MTA3: variants seen among roughly 807,000 people sequenced by gnomAD.
The protein encoded by MTA3 is metastasis-associated protein MTA3.
In MTA3, 34 loss-of-function variants were observed where a neutral mutation model predicts 83.5. That is an observed-to-expected ratio of 0.41 (90% CI 0.31 to 0.54). The LOEUF is 0.54. Among genes scored for constraint, MTA3 ranks in the 20% least tolerant of loss-of-function variants. The pLI, the probability that MTA3 is intolerant of heterozygous loss-of-function variation, is 0.33. For synonymous variants in MTA3, 303 were observed against 252.7 expected (o/e 1.20, Z -1.89); for missense variants, 761 against 726.4 (o/e 1.05, Z -0.55).
chr2:42,594,728 A>ATATATTTTTTTTTTTTTTT, intron 3 of MTA3, among the ~76,000 whole-genome samples: 5 of 24,044 alleles, frequency 2.1e-4, no homozygotes, highest in Admixed American at 8.8e-4. Flanking sequence ...ATATATATAT[A>ATATATTTTTTTTTTTTTTT]TTTTTTTTTT....
At chr2:42,673,949 AC>A (rs1295218656) in intron 8 of MTA3, among the ~76,000 whole-genome samples, 2 of 152,240 alleles carry the variant, frequency 1.3e-5, no homozygotes, top group Non-Finnish European at 2.9e-5. Context: ...CATCTATTAC[AC>A]TGCCCAAATT....
At chr2:42,645,284 A>T (rs1688072853) in intron 6 of MTA3, among the ~76,000 whole-genome samples, 1 of 151,128 alleles carries the variant, frequency 6.6e-6, no homozygotes, top group African/African-American at 2.4e-5. Flanking sequence ...CAGCACTTTG[A>T]GGGGCCGCAG....
At chr2:42,532,670 A>G (rs374739464) in intron 2 of MTA3, 23 of 162,244 alleles carry the variant, frequency 1.4e-4, no homozygotes, top group East Asian at 6.8e-4. Context: ...ATTTGGTTTA[A>G]ATATTTCTTT....
intron 4 of MTA3, among the ~76,000 whole-genome samples, chr2:42,612,520 T>G (rs1684349773): frequency 6.6e-6 from 1 of 152,108 alleles, no homozygotes; most frequent in Non-Finnish European, 1.5e-5. Context: ...TGGCCTCCAT[T>G]TATTTAATTG....
At chr2:42,595,816 A>G (rs1045220723) in intron 3 of MTA3, among the ~76,000 whole-genome samples, 1 of 152,184 alleles carries the variant, frequency 6.6e-6, no homozygotes, top group Non-Finnish European at 1.5e-5. Flanking sequence ...ATAATGATTT[A>G]ACAATAATAG....
intron 16 of MTA3, among the ~76,000 whole-genome samples, chr2:42,734,337 T>C (rs1381140285): frequency 2.0e-5 from 3 of 151,964 alleles, no homozygotes; most frequent in Non-Finnish European, 2.9e-5. Flanking sequence ...TTGTCTGATA[T>C]AAGTATAGCT....
In MTA3 at chr2:42,708,925, G is replaced by C. The variant is rs756232576; in HGVS notation, c.1354G>C (p.Val452Leu). The C allele has an allele frequency of 6.2e-7, 1 of 1,614,042 alleles. No homozygotes were observed. Among genetic ancestry groups the C allele is most frequent in the Middle Eastern group, 1.6e-4 (1 of 6,062 alleles). Residue 452 changes from valine to leucine, a missense_variant, in exon 14 of 17, where the codon GTC becomes CTC. Physicochemically the swap from Val to Leu is conservative, Grantham distance 32. Transcript: ENST00000405094. ...VSRQAMQGMP[V>L]RNTGSPKSAV... ...CCGCCAGGCCATGCAGGGAATGCCAGTCCGAAACACTGGGAGTCCAAAGTC... is the reference window on the plus strand; with the variant it reads ...CCGCCAGGCCATGCAGGGAATGCCACTCCGAAACACTGGGAGTCCAAAGTC...
chr2:42,726,008 C>G (rs541285211), intron 16 of MTA3, among the ~76,000 whole-genome samples: 15 of 152,156 alleles, frequency 9.9e-5, no homozygotes, highest in Non-Finnish European at 1.8e-4. Flanking sequence ...TCCTGATTAA[C>G]CAGAGTTTCC....
At chr2:42,673,932 G>T (rs929281483) in intron 8 of MTA3, among the ~76,000 whole-genome samples, 1 of 152,186 alleles carries the variant, frequency 6.6e-6, no homozygotes, top group Non-Finnish European at 1.5e-5. Flanking sequence ...TCTCAAAGAG[G>T]AAAACACATC....
chr2:42,506,012 G>A (rs1000991801), intron 2 of MTA3, among the ~76,000 whole-genome samples: 25 of 151,898 alleles, frequency 1.6e-4, no homozygotes, highest in Admixed American at 1.4e-3. Context: ...TGATCTGCCC[G>A]CCCCGGCCTC....
intron 4 of MTA3, among the ~76,000 whole-genome samples, chr2:42,617,309 T>G (rs1042314729): frequency 1.9e-4 from 29 of 152,170 alleles, no homozygotes; most frequent in Non-Finnish European, 3.5e-4. Context: ...TTACAGAACT[T>G]CTCACACAAG....
chr2:42,579,811 A>G (rs188112695), intron 3 of MTA3, among the ~76,000 whole-genome samples: 4 of 151,800 alleles, frequency 2.6e-5, no homozygotes, highest in South Asian at 2.1e-4. Context: ...TGGCCTCTCA[A>G]AGAGCTAGGA....
At chr2:42,502,861 G>T (rs566544762) in intron 2 of MTA3, among the ~76,000 whole-genome samples, 2 of 150,824 alleles carry the variant, frequency 1.3e-5, no homozygotes, top group South Asian at 4.2e-4. Context: ...TATTCAGGAG[G>T]CTGAGGCAGG....
At chr2:42,526,947 G>C (rs1472746343) in intron 2 of MTA3, among the ~76,000 whole-genome samples, 1 of 149,580 alleles carries the variant, frequency 6.7e-6, no homozygotes, top group Admixed American at 6.8e-5. Context: ...CCAGCTACTC[G>C]AGAAGCTGAG....
rs539739305 is a variant in MTA3, at chr2:42,598,564, T to C, written c.191-10894T>C. ...CTAAGGTCACCTAACTGGATTAGTA[T>C]CCTGTCCTCTAAATGCTTCTTTTGT... is the stretch of plus-strand genomic sequence containing the variant. On this transcript the variant is annotated intron_variant, in intron 3 of 16. Coordinates refer to ENST00000405094, the MANE Select transcript of MTA3 (RefSeq NM_001330442.2). Among the ~76,000 whole-genome samples, 6 of 152,338 alleles carry C rather than the reference T, an allele frequency of 3.9e-5. No individual in the cohort carries two copies. The South Asian group carries it at 1.2e-3, about 32-fold the overall frequency.
At position 42,596,743 on chromosome 2, in the gene MTA3, C is replaced by T. The variant is rs75593813; in HGVS notation, c.191-12715C>T. 1.2e-4 allele frequency among the ~76,000 whole-genome samples: 18 copies of T among 152,200 alleles called. No individual in the cohort carries two copies. In the South Asian group the frequency reaches 3.7e-3, roughly 32 times the overall value. On this transcript the variant is annotated intron_variant, in intron 3 of 16. Coordinates refer to ENST00000405094, the MANE Select transcript of MTA3 (RefSeq NM_001330442.2). Reference sequence around the variant, plus strand: ...AGCCTTGTGTTAGCTTTACTTCTGTCATTGTGTGGCTTAATTTGTGGTCTG... The same window carrying T: ...AGCCTTGTGTTAGCTTTACTTCTGTTATTGTGTGGCTTAATTTGTGGTCTG...
chr2:42,606,828 G>C (rs1683487989), intron 3 of MTA3, among the ~76,000 whole-genome samples: 3 of 149,514 alleles, frequency 2.0e-5, no homozygotes, highest in Non-Finnish European at 4.4e-5. Context: ...CTGCAATCCC[G>C]GCACCTCGGG....
chr2:42,681,104 G>C (rs1014540193), intron 8 of MTA3, among the ~76,000 whole-genome samples: 2 of 152,148 alleles, frequency 1.3e-5, no homozygotes, highest in African/African-American at 4.8e-5. Context: ...GGGCCCAGGA[G>C]TTCAACGTTA....
At chr2:42,719,477 A>G (rs1282660561) in intron 15 of MTA3, among the ~76,000 whole-genome samples, 3 of 152,224 alleles carry the variant, frequency 2.0e-5, no homozygotes, top group African/African-American at 7.2e-5. Flanking sequence ...TTATTTACTT[A>G]TTAAAATGAG....
Sources: gnomAD v4.1 joint callset for allele counts (sites outside exome capture counted in the v4.1 genomes callset) on GRCh38, gnomAD v4.1.1 for gene constraint, MANE v1.5 for transcripts, NCBI Gene and HGNC (gene_info 2026-07-23, HGNC 2026-07-21) for gene names.